Variants in NBAS observed in about 807,000 individuals in gnomAD.
NBAS encodes the protein NBAS subunit of NRZ tethering complex, also known as NAG/BC035112 fusion.
Under a neutral mutation model 302.5 loss-of-function variants are expected in NBAS, and 219 were observed. The observed-to-expected ratio is 0.72, with a 90% CI of 0.65 to 0.81. The LOEUF (loss-of-function observed/expected upper bound fraction) is 0.81, where lower values mean the gene tolerates loss of function less well. NBAS is among the 30% of genes least tolerant of loss of function. The pLI is 0.00. For missense variants in NBAS, 2,932 were observed against 2,841.6 expected, an observed-to-expected ratio of 1.03 and a Z score of -0.72; for synonymous variants, 1,118 against 1,021.6, an observed-to-expected ratio of 1.09 and a Z score of -1.80.
At chr2:15,468,059 T>C (rs1679799251) in intron 17 of NBAS, among the ~76,000 whole-genome samples, 2 of 152,084 alleles carry the variant, frequency 1.3e-5, no homozygotes, top group African/African-American at 4.8e-5. Context: ...AGATGTGGGG[T>C]TACATTCACT....
At chr2:15,330,896 A>G in intron 35 of NBAS, 131 bp from the exon 36 acceptor site, 2 of 972,288 alleles carry the variant, frequency 2.1e-6, no homozygotes, top group Non-Finnish European at 3.0e-6. Flanking sequence ...AATCCATCCA[A>G]CTTTGCTTGT....
the NBAS span, among the ~76,000 whole-genome samples, chr2:14,815,604 C>A: frequency 1.2e-4 from 19 of 152,312 alleles, 1 homozygote; most frequent in African/African-American, 4.3e-4. Context: ...AACTCAATCA[C>A]CTTTCTCCTC....
intron 6 of NBAS, among the ~76,000 whole-genome samples, chr2:15,548,259 A>G (rs1238425123): frequency 6.6e-6 from 1 of 151,904 alleles, no homozygotes; most frequent in Non-Finnish European, 1.5e-5. Context: ...CTAAGCACGA[A>G]AAAAAAAAGT....
chr2:14,928,009 T>G, the NBAS span, among the ~76,000 whole-genome samples: 2 of 152,238 alleles, frequency 1.3e-5, no homozygotes, highest in Non-Finnish European at 2.9e-5. Context: ...TTCTTTATCT[T>G]TTCGTATCTA....
intron 47 of NBAS, among the ~76,000 whole-genome samples, chr2:15,222,715 G>A (rs1025039823): frequency 3.3e-5 from 5 of 152,178 alleles, no homozygotes; most frequent in African/African-American, 1.2e-4. Flanking sequence ...CACACAGTAA[G>A]TAGTGGCACC....
chr2:15,469,843 G>T (rs1398456137), intron 16 of NBAS, among the ~76,000 whole-genome samples: 344 of 131,266 alleles, frequency 2.6e-3, no homozygotes, highest in Non-Finnish European at 4.2e-3. Context: ...GCTGGGGGGT[G>T]GGGGGAGGGG....
chr2:14,844,156 TA>T, the NBAS span, among the ~76,000 whole-genome samples: 1 of 152,068 alleles, frequency 6.6e-6, no homozygotes, highest in African/African-American at 2.4e-5. Context: ...TTTTTCCACT[TA>T]AAAAAAGAGG....
chr2:15,396,600 C>T (rs945134383), intron 26 of NBAS, 125 bp from the exon 27 acceptor site: 3 of 594,106 alleles, frequency 5.0e-6, no homozygotes, highest in East Asian at 5.8e-5. Flanking sequence ...ACAATATTAT[C>T]TAAATTCATT....
At chr2:15,026,839 GTGTGTCTACTTT>G in the NBAS span, among the ~76,000 whole-genome samples, 1 of 152,136 alleles carries the variant, frequency 6.6e-6, no homozygotes, top group Non-Finnish European at 1.5e-5. Context: ...GGCTTAAGAT[GTGTGTCTACTTT>G]TATTTTCTTT....
chr2:14,937,854 G>A, the NBAS span, among the ~76,000 whole-genome samples: 3 of 152,068 alleles, frequency 2.0e-5, no homozygotes, highest in Admixed American at 2.0e-4. Flanking sequence ...GGGTTGGCAG[G>A]GTGCGGTGGC....
At position 15,511,193 on chromosome 2, in the gene NBAS, T is replaced by C; in HGVS notation, c.885+19A>G. The C allele has an allele frequency of 2.5e-6, 4 of 1,613,962 alleles. No homozygotes were observed. The highest frequency in any genetic ancestry group is 1.1e-5 in the South Asian group (1 of 91,076). On this transcript the variant is annotated intron_variant, in intron 10 of 51. Transcript: ENST00000281513. ...TGAAATGACACATAGCAAAGTGAAG[T>C]GCCATAACTCATACTTACTGCAGTA...
At chr2:15,294,238 A>G (rs981815359) in intron 40 of NBAS, among the ~76,000 whole-genome samples, 2 of 152,210 alleles carry the variant, frequency 1.3e-5, no homozygotes, top group African/African-American at 4.8e-5. Context: ...CAAAGAGTTA[A>G]TGTCTAGGTT....
intron 9 of NBAS, among the ~76,000 whole-genome samples, chr2:15,526,600 A>G (rs1440096480): frequency 6.6e-6 from 1 of 152,196 alleles, no homozygotes; most frequent in Non-Finnish European, 1.5e-5. Context: ...TAAACAACCT[A>G]GCAAAATTTT....
chr2:15,117,605 C>T, the NBAS span, among the ~76,000 whole-genome samples: 6 of 152,350 alleles, frequency 3.9e-5, no homozygotes, highest in South Asian at 2.1e-4. Context: ...TAGCTGCAGA[C>T]CTTCTCAGAG....
chr2:15,082,923 T>G, the NBAS span, among the ~76,000 whole-genome samples: 1 of 152,138 alleles, frequency 6.6e-6, no homozygotes, highest in African/African-American at 2.4e-5. Flanking sequence ...CCCAGCTTTG[T>G]GTAAAAGTTG....
the NBAS span, among the ~76,000 whole-genome samples, chr2:14,966,711 C>T: frequency 0.07 from 10,715 of 152,218 alleles, 1,022 homozygotes; most frequent in African/African-American, 0.2. Flanking sequence ...TATATAATGA[C>T]TACTTGTTTT....
chr2:15,252,794 C>G lies in NBAS; in HGVS notation c.5725-14108G>C, dbSNP rs1668424708. 2.0e-5 allele frequency among the ~76,000 whole-genome samples: 3 copies of G among 152,120 alleles called. No homozygotes were observed. In the South Asian group the frequency reaches 6.2e-4, roughly 32 times the overall value. On this transcript the variant is annotated intron_variant, in intron 44 of 51. Transcript: ENST00000281513. ...ACTTTCATACTCGCTATGAGCTAGG[C>G]CTGGCCTTGGCACAGAGGATACAAA...
chr2:15,397,850 T>A, intron 26 of NBAS: 1 of 178,606 alleles, frequency 5.6e-6, no homozygotes, highest in Non-Finnish European at 1.2e-5. Flanking sequence ...AATCTTTGCC[T>A]GGACTTGGAA....
chr2:15,504,699 T>C (rs990060996), intron 10 of NBAS, among the ~76,000 whole-genome samples: 2 of 152,198 alleles, frequency 1.3e-5, no homozygotes, highest in Non-Finnish European at 2.9e-5. Context: ...GAAACTATAT[T>C]TTTTCAGTGG....
Sources: gnomAD v4.1 joint callset for allele counts (sites outside exome capture counted in the v4.1 genomes callset) on GRCh38, gnomAD v4.1.1 for gene constraint, MANE v1.5 for transcripts, NCBI Gene and HGNC (gene_info 2026-07-23, HGNC 2026-07-21) for gene names.